The following ZNF609 variants were observed in gnomAD, a reference collection of about 807,000 sequenced individuals.
ZNF609 encodes zinc finger protein 609.
A neutral mutation model predicts 109.5 loss-of-function variants in ZNF609; 11 were observed. The observed-to-expected ratio is 0.10, with a 90% CI of 0.06 to 0.17. The LOEUF (loss-of-function observed/expected upper bound fraction) is 0.17, where lower values mean the gene tolerates loss of function less well. Among genes scored for constraint, ZNF609 ranks in the 10% least tolerant of loss-of-function variants. ZNF609 has a pLI of 1.00. For synonymous variants in ZNF609, 646 were observed against 662.0 expected, an observed-to-expected ratio of 0.98 and a Z score of 0.37; for missense variants, 1,559 against 1,772.4, an observed-to-expected ratio of 0.88 and a Z score of 2.16.
chr15:64,629,607 T>A (rs1896032960), intron 3 of ZNF609, among the ~76,000 whole-genome samples: 1 of 152,200 alleles, frequency 6.6e-6, no homozygotes, highest in East Asian at 1.9e-4. Flanking sequence ...CTTAGTCTGT[T>A]ACCTTTGGAG....
chr15:64,604,152 C>A (rs916445154), intron 2 of ZNF609, among the ~76,000 whole-genome samples: 7 of 152,126 alleles, frequency 4.6e-5, no homozygotes, highest in African/African-American at 1.7e-4. Context: ...CCTCACCCAA[C>A]CTTGGGACAG....
chr15:64,587,862 A>T (rs762093561), intron 2 of ZNF609, among the ~76,000 whole-genome samples: 18 of 151,968 alleles, frequency 1.2e-4, no homozygotes, highest in Non-Finnish European at 2.4e-4. Flanking sequence ...AGAGTCTCTA[A>T]AGAAGTTATC....
At chr15:64,676,327 G>C (rs920603630) in intron 5 of ZNF609, 71 bp downstream of exon 5, 16 of 1,446,116 alleles carry the variant, frequency 1.1e-5, no homozygotes, top group Middle Eastern at 1.9e-4. Flanking sequence ...AATAAGGGCT[G>C]TCCTTATACA....
chr15:64,601,154 T>C (rs1205808834), intron 2 of ZNF609, among the ~76,000 whole-genome samples: 1 of 152,186 alleles, frequency 6.6e-6, no homozygotes, highest in Non-Finnish European at 1.5e-5. Context: ...TTATGTAAAA[T>C]AATTTTATTT....
At chr15:64,586,091 G>GAGGAGGGCGGATCACCTGAGGTC (rs939138354) in intron 2 of ZNF609, among the ~76,000 whole-genome samples, 1 of 152,136 alleles carries the variant, frequency 6.6e-6, no homozygotes, top group Non-Finnish European at 1.5e-5. Context: ...TTGGGAGGCT[G>GAGGAGGGCGGATCACCTGAGGTC]AGGAGGGCGG....
At chr15:64,528,673 C>T in intron 2 of ZNF609, 2 of 1,156,022 alleles carry the variant, frequency 1.7e-6, no homozygotes, top group Non-Finnish European at 2.6e-6. Context: ...GGTCTTACTC[C>T]TTGGAGGCAT....
chr15:64,602,783 C>T (rs549624904), intron 2 of ZNF609, among the ~76,000 whole-genome samples: 235 of 121,778 alleles, frequency 1.9e-3, no homozygotes, highest in South Asian at 2.9e-3. Context: ...AGTGCAGTGG[C>T]GTGATCTCGG....
chr15:64,555,886 CAAA>C (rs963732035), intron 2 of ZNF609, among the ~76,000 whole-genome samples: 2 of 38,936 alleles, frequency 5.1e-5, no homozygotes, highest in Non-Finnish European at 5.2e-5. Flanking sequence ...GACTCTGTCT[CAAA>C]AAAAAAAAAA....
chr15:64,611,143 C>T (rs1895710445), intron 2 of ZNF609, among the ~76,000 whole-genome samples: 1 of 152,100 alleles, frequency 6.6e-6, no homozygotes, highest in Non-Finnish European at 1.5e-5. Context: ...GAAGTAGTTA[C>T]AGAAGTTCTT....
intron 2 of ZNF609, among the ~76,000 whole-genome samples, chr15:64,597,159 A>G (rs1453888858): frequency 7.2e-5 from 11 of 152,010 alleles, no homozygotes; most frequent in Admixed American, 6.6e-4. Context: ...CTCTTTCAGG[A>G]CTCTAATCAC....
chr15:64,528,233 G>A (rs1039846116), intron 2 of ZNF609, among the ~76,000 whole-genome samples: 4 of 151,790 alleles, frequency 2.6e-5, no homozygotes, highest in East Asian at 1.9e-4. Context: ...GAGTAGGTGG[G>A]ACTACAGGTG....
chr15:64,526,096 TTTC>T (rs1168887794), intron 2 of ZNF609, among the ~76,000 whole-genome samples: 1 of 148,830 alleles, frequency 6.7e-6, no homozygotes, highest in African/African-American at 2.5e-5. Flanking sequence ...AGCCCTGTTT[TTTC>T]TTTTCTTTTT....
chr15:64,521,368 T>A (rs1567004145), intron 2 of ZNF609, among the ~76,000 whole-genome samples: 1 of 152,204 alleles, frequency 6.6e-6, no homozygotes. Flanking sequence ...GGATTGTTCT[T>A]GGCTTTGGCT....
At chr15:64,622,050 G>A (rs1455220292) in intron 2 of ZNF609, among the ~76,000 whole-genome samples, 1 of 152,036 alleles carries the variant, frequency 6.6e-6, no homozygotes, top group African/African-American at 2.4e-5. Context: ...CTATCTATGT[G>A]TACATAATCA....
At position 64,500,083 on chromosome 15, in the gene ZNF609, G is replaced by T; in HGVS notation, c.664G>T (p.Ala222Ser). ...LGSIAIEPGAALNPLGTKPEP... is the reference protein window; with the variant it reads ...LGSIAIEPGASLNPLGTKPEP... ...GAGTATAGCTATTGAGCCTGGGGCA[G>T]CGCTCAATCCTTTGGGAACTAAACC... The change falls in exon 2 of 10, where the codon GCG becomes TCG. Residue 222 changes from alanine to serine, a missense_variant. Ala to Ser is a moderately conservative substitution (Grantham distance 99). This residue lies in a region of ZNF609 where 291 missense variants were observed against 317.8 expected (regional missense o/e 0.92). Coordinates refer to ENST00000326648, the MANE Select transcript of ZNF609 (RefSeq NM_015042.2). 1 of 1,614,166 alleles carries T rather than the reference G, an allele frequency of 6.2e-7. No individual in the cohort carries two copies. Among genetic ancestry groups the T allele is most frequent in the African/African-American group, 1.3e-5 (1 of 75,042 alleles).
intron 2 of ZNF609, among the ~76,000 whole-genome samples, chr15:64,595,221 C>T (rs995721707): frequency 6.6e-6 from 1 of 151,550 alleles, no homozygotes; most frequent in Non-Finnish European, 1.5e-5. Flanking sequence ...ATTAGCCGGG[C>T]GTGGTGGTGG....
chr15:64,626,590 A>G (rs2140976796), intron 3 of ZNF609, among the ~76,000 whole-genome samples: 1 of 152,230 alleles, frequency 6.6e-6, no homozygotes, highest in South Asian at 2.1e-4. Flanking sequence ...GGAATGGAGG[A>G]CACTGAGGTC....
At chr15:64,464,472 G>A (rs573860156) in intron 1 of ZNF609, among the ~76,000 whole-genome samples, 2 of 152,280 alleles carry the variant, frequency 1.3e-5, no homozygotes, top group Non-Finnish European at 2.9e-5. Context: ...TCATGGATGG[G>A]AATACTGCCA....
chr15:64,611,455 G>A (rs1895714856), intron 2 of ZNF609, among the ~76,000 whole-genome samples: 1 of 152,156 alleles, frequency 6.6e-6, no homozygotes, highest in Non-Finnish European at 1.5e-5. Flanking sequence ...TTGCTTATGA[G>A]ATTTTTTCCT....
Sources: allele counts gnomAD v4.1 joint callset (sites outside exome capture counted in the v4.1 genomes callset), GRCh38; gene constraint gnomAD v4.1.1; regional missense constraint gnomAD v4.1.1; transcripts MANE v1.5; gene names NCBI Gene and HGNC (gene_info 2026-07-23, HGNC 2026-07-21).